The following PAIP2 variants were observed in gnomAD, a reference collection of about 807,000 sequenced individuals.
PAIP2 encodes poly(A) binding protein interacting protein 2.
A neutral mutation model predicts 14.8 loss-of-function variants in PAIP2; 7 were observed. The observed-to-expected ratio is 0.47, with a 90% CI of 0.27 to 0.89. The LOEUF (loss-of-function observed/expected upper bound fraction) is 0.89, where lower values mean the gene tolerates loss of function less well. PAIP2 is among the 40% of genes least tolerant of loss of function. The pLI, the probability that PAIP2 is intolerant of heterozygous loss-of-function variation, is 0.13. For missense variants in PAIP2, 122 were observed against 154.7 expected, an observed-to-expected ratio of 0.79 and a Z score of 1.12; for synonymous variants, 47 against 45.3, an observed-to-expected ratio of 1.04 and a Z score of -0.15.
Position 139,353,292 on chromosome 5 carries a change from C to CT in PAIP2, c.-26-10466dup, listed in dbSNP as rs1451514770. 1.1e-4 allele frequency among the ~76,000 whole-genome samples: 16 copies of CT among 152,194 alleles called. No individual in the cohort carries two copies. In the East Asian group the frequency reaches 2.9e-3, roughly 28 times the overall value. On this transcript the variant is annotated intron_variant, in intron 1 of 3. Coordinates refer to ENST00000265192, the MANE Select transcript of PAIP2 (RefSeq NM_016480.5). ...TTCTTTTGTGTTTCCAGCATTTCCT[C>CT]TAAGTTTTAATTATTTTTGTTCTGG...
chr5:139,366,403 A>G (rs1216637879), intron 3 of PAIP2, among the ~76,000 whole-genome samples: 1 of 152,136 alleles, frequency 6.6e-6, no homozygotes, highest in African/African-American at 2.4e-5. Context: ...AAAGTACTAC[A>G]GAGGATTTAT....
At chr5:139,359,044 A>G (rs976325612) in intron 1 of PAIP2, among the ~76,000 whole-genome samples, 4 of 151,998 alleles carry the variant, frequency 2.6e-5, no homozygotes, top group Non-Finnish European at 5.9e-5. Flanking sequence ...GCGTGCGATC[A>G]TGGCTCTCTG....
At chr5:139,359,345 G>T (rs1461493152) in intron 1 of PAIP2, among the ~76,000 whole-genome samples, 1 of 151,906 alleles carries the variant, frequency 6.6e-6, no homozygotes, top group Non-Finnish European at 1.5e-5. Flanking sequence ...CGCCATGTTG[G>T]CCAGGCTGGT....
At position 139,368,864 on chromosome 5, in the gene PAIP2, C is replaced by A; in HGVS notation, c.*66C>A. ...ACACTGTGAAGGCAGTATTAGAAGACTTAATTGTAAAAGCTCTCTTGTCAC... is the reference window on the plus strand; with the variant it reads ...ACACTGTGAAGGCAGTATTAGAAGAATTAATTGTAAAAGCTCTCTTGTCAC... On this transcript the variant is annotated 3_prime_UTR_variant, in exon 4 of 4. Coordinates refer to ENST00000265192, the MANE Select transcript of PAIP2 (RefSeq NM_016480.5). The A allele has an allele frequency of 8.4e-7, 1 of 1,186,104 alleles. No homozygotes were observed. The highest frequency in any genetic ancestry group is 1.2e-6 in the Non-Finnish European group (1 of 802,094). The allele number at this position is 1,186,104 out of a possible 1,614,324, so 73.5% of individuals were successfully genotyped here.
chr5:139,367,648 A>G (rs1757344380), intron 3 of PAIP2: 1 of 152,168 alleles, frequency 6.6e-6, no homozygotes, highest in African/African-American at 2.4e-5. Context: ...GAATTAGAAG[A>G]TGGCAATTGT....
intron 1 of PAIP2, among the ~76,000 whole-genome samples, chr5:139,363,193 A>G (rs1357963756): frequency 6.6e-6 from 1 of 151,966 alleles, no homozygotes; most frequent in Admixed American, 6.6e-5. Context: ...GTGAACCAAG[A>G]TCATGCCACT....
At position 139,364,852 on chromosome 5, in the gene PAIP2, T is replaced by G. The variant is rs543679780; in HGVS notation, c.318+109T>G. ...CTACATCTCTTTCCCCTTCAGAAAT[T>G]GTGCTGCTTCTGGCCGGGCATGTGG... is the stretch of plus-strand genomic sequence containing the variant. On this transcript the variant is annotated intron_variant, in intron 3 of 3. Coordinates refer to ENST00000265192, the MANE Select transcript of PAIP2 (RefSeq NM_016480.5). 6.7e-6 allele frequency: 5 copies of G among 751,366 alleles called. No individual in the cohort carries two copies. The African/African-American group carries it at 7.1e-5, about 11-fold the overall frequency. 46.5% of individuals were successfully genotyped at this position (751,366 alleles called of 1,614,324 possible).
chr5:139,362,724 A>G (rs1757106897), intron 1 of PAIP2, among the ~76,000 whole-genome samples: 1 of 149,110 alleles, frequency 6.7e-6, no homozygotes, highest in African/African-American at 2.5e-5. Context: ...TTGTATTTTT[A>G]GTAGAGACAG....
Position 139,355,888 on chromosome 5 carries a change from C to T in PAIP2, c.-26-7871C>T, listed in dbSNP as rs1011931112. The stretch of plus-strand genomic sequence containing the variant: ...TAAATAGGCTGGGCGTGGTGGCTCA[C>T]GCCTGTAATCCTAGCACTTTGGGAG... On this transcript the variant is annotated intron_variant, in intron 1 of 3. Transcript: ENST00000265192. Among the ~76,000 whole-genome samples, 3 of 151,700 alleles carry T rather than the reference C, an allele frequency of 2.0e-5. No individual in the cohort carries two copies. The South Asian group carries it at 6.3e-4, about 32-fold the overall frequency.
intron 1 of PAIP2, chr5:139,342,659 A>C (rs1221431482): frequency 6.6e-6 from 1 of 152,032 alleles, no homozygotes; most frequent in Non-Finnish European, 1.5e-5. Context: ...AGTTAGATGA[A>C]CTTTAAGGTC....
At chr5:139,347,689 A>G (rs952623240) in intron 1 of PAIP2, among the ~76,000 whole-genome samples, 7 of 152,130 alleles carry the variant, frequency 4.6e-5, no homozygotes, top group Non-Finnish European at 8.8e-5. Flanking sequence ...ACATGTATAC[A>G]TATGTAACTA....
chr5:139,360,070 G>T (rs906990091), intron 1 of PAIP2, among the ~76,000 whole-genome samples: 2 of 151,840 alleles, frequency 1.3e-5, no homozygotes, highest in Admixed American at 1.3e-4. Flanking sequence ...AGGTTCAAGC[G>T]ATTCTTCTGC....
chr5:139,352,949 TCTA>T (rs1756792418), intron 1 of PAIP2, among the ~76,000 whole-genome samples: 1 of 151,798 alleles, frequency 6.6e-6, no homozygotes, highest in Admixed American at 6.6e-5. Context: ...AACTCCCGTC[TCTA>T]CTAAAAATAC....
intron 1 of PAIP2, among the ~76,000 whole-genome samples, chr5:139,355,621 G>C (rs1247425086): frequency 6.6e-6 from 1 of 152,072 alleles, no homozygotes; most frequent in African/African-American, 2.4e-5. Flanking sequence ...TTGGGAGGCT[G>C]ATGTGGGGAG....
At chr5:139,353,192 A>T (rs536795920) in intron 1 of PAIP2, among the ~76,000 whole-genome samples, 1 of 151,610 alleles carries the variant, frequency 6.6e-6, no homozygotes, top group African/African-American at 2.4e-5. Flanking sequence ...TTTGTACCAG[A>T]GTTTGTTTTT....
At chr5:139,349,823 G>T (rs1284135063) in intron 1 of PAIP2, among the ~76,000 whole-genome samples, 1 of 151,518 alleles carries the variant, frequency 6.6e-6, no homozygotes, top group East Asian at 2.0e-4. Context: ...CCAACATGGT[G>T]AAACCCCGTT....
At chr5:139,351,120 A>G (rs895925472) in intron 1 of PAIP2, among the ~76,000 whole-genome samples, 2 of 152,222 alleles carry the variant, frequency 1.3e-5, no homozygotes, top group African/African-American at 2.4e-5. Flanking sequence ...AATAAAATAC[A>G]ATACATATAT....
intron 3 of PAIP2, among the ~76,000 whole-genome samples, chr5:139,367,939 C>G (rs369847451): frequency 6.6e-6 from 1 of 152,296 alleles, no homozygotes; most frequent in Non-Finnish European, 1.5e-5. Context: ...TGCAGTGGCT[C>G]ACGCCTGTAG....
intron 3 of PAIP2, 115 bp from the exon 4 acceptor site, chr5:139,368,618 G>C: frequency 1.4e-6 from 1 of 713,816 alleles, no homozygotes; most frequent in Admixed American, 2.4e-5. Context: ...TAGTCTTACA[G>C]ACTGAGTTCT....
Sources: allele counts gnomAD v4.1 joint callset (sites outside exome capture counted in the v4.1 genomes callset), GRCh38; gene constraint gnomAD v4.1.1; transcripts MANE v1.5; gene names NCBI Gene and HGNC (gene_info 2026-07-23, HGNC 2026-07-21).